The following GANC variants were observed in gnomAD, a reference collection of about 807,000 sequenced individuals.
The protein encoded by GANC is neutral alpha-glucosidase C.
A neutral mutation model predicts 124.2 loss-of-function variants in GANC; 117 were observed. The ratio of observed to expected loss-of-function variants is 0.94; its 90% CI spans 0.81 to 1.10. The LOEUF (loss-of-function observed/expected upper bound fraction) is 1.10. GANC is among the 50% of genes least tolerant of loss of function. The pLI, the probability that GANC is intolerant of heterozygous loss-of-function variation, is 0.00. For synonymous variants in GANC, 377 were observed against 376.8 expected (o/e 1.00, Z -0.01); for missense variants, 1,140 against 1,095.0 (o/e 1.04, Z -0.58).
intron 6 of GANC, among the ~76,000 whole-genome samples, chr15:42,298,371 A>C (rs2141032540): frequency 6.6e-6 from 1 of 152,318 alleles, no homozygotes; most frequent in Non-Finnish European, 1.5e-5. Flanking sequence ...TATTTTATCT[A>C]ACAATTATTT....
rs771930043 is a variant in GANC, at chr15:42,338,368, C to T, written c.1742-21C>T. 3 of 1,566,872 alleles carry T rather than the reference C, an allele frequency of 1.9e-6. No homozygotes were observed. In the Admixed American group the frequency reaches 5.1e-5, roughly 27 times the overall value. On this transcript the variant is annotated intron_variant, in intron 15 of 23. Transcript: ENST00000318010. ...CATGGGTTGATTTGTGATTTTAATA[C>T]ATTGTTGCTGGTGACCAAAGGTGCC...
rs1008597885 is a variant in GANC, at chr15:42,339,921, G to T, written c.2087+9G>T. The T allele has an allele frequency of 1.2e-6, 2 of 1,608,670 alleles. No individual in the cohort carries two copies. Among genetic ancestry groups the T allele is most frequent in the African/African-American group, 2.7e-5 (2 of 74,646 alleles). On this transcript the variant is annotated intron_variant, in intron 17 of 23. Coordinates refer to ENST00000318010, the MANE Select transcript of GANC (RefSeq NM_198141.3). ...TCCCAACCTGTCATGAGGTAAAAAA[G>T]CTTCATCCATTCAGGGACCCCAGCA...
At chr15:42,311,443 G>T (rs1253778704) in intron 10 of GANC, among the ~76,000 whole-genome samples, 4 of 152,158 alleles carry the variant, frequency 2.6e-5, no homozygotes, top group Admixed American at 2.0e-4. Flanking sequence ...CAGCAAAGTT[G>T]CAGGGTACAA....
chr15:42,340,028 A>G lies in GANC; in HGVS notation c.2087+116A>G, dbSNP rs1595783952. 6 of 1,345,142 alleles carry G rather than the reference A, an allele frequency of 4.5e-6. No homozygotes were observed. The East Asian group carries it at 1.4e-4, about 31-fold the overall frequency. The allele number at this position is 1,345,142 out of a possible 1,614,324, so 83.3% of individuals were successfully genotyped here. A position where few individuals can be genotyped will look rare whatever the true frequency, so the allele number is the denominator to read the frequency against. ...CAAGAGAAAGGTGAAGAAAAGCTAC[A>G]TGTTTAATCAAGTTTCAATAAGCTT... On this transcript the variant is annotated intron_variant, in intron 17 of 23. Transcript: ENST00000318010.
intron 10 of GANC, chr15:42,314,161 G>C (rs937066440): frequency 2.2e-5 from 17 of 761,706 alleles, no homozygotes; most frequent in Non-Finnish European, 3.9e-5. Context: ...GAAAAATTCA[G>C]ATTGGATATG....
chr15:42,300,431 T>C (rs1342536738), intron 6 of GANC, among the ~76,000 whole-genome samples: 1 of 151,964 alleles, frequency 6.6e-6, no homozygotes, highest in East Asian at 1.9e-4. Flanking sequence ...AGAATGATGA[T>C]TATTAAAAAG....
chr15:42,273,314 C>T lies in GANC; in HGVS notation c.-1168C>T, dbSNP rs1408730560. On this transcript the variant is annotated 5_prime_UTR_variant, in exon 1 of 24. Transcript: ENST00000318010. ...GCAGCAGCTACGGTTGCCGGTCCCG[C>T]ACTGAAAAACGACAGTGGTGACGGG... is the stretch of plus-strand genomic sequence containing the variant. 1.9e-6 allele frequency: 3 copies of T among 1,614,022 alleles called. No individual in the cohort carries two copies. The highest frequency in any genetic ancestry group is 2.7e-5 in the African/African-American group (2 of 74,906).
intron 16 of GANC, 86 bp from the exon 17 acceptor site, chr15:42,339,583 C>G (rs1349448030): frequency 6.6e-6 from 10 of 1,505,814 alleles, no homozygotes; most frequent in Admixed American, 3.9e-5. Context: ...GCACTTTTCT[C>G]CTGTCGGTCT....
Position 42,327,411 on chromosome 15 carries a change from A to G in GANC, c.1469A>G (p.Tyr490Cys), listed in dbSNP as rs771488233. 66 of 1,613,590 alleles carry G rather than the reference A, an allele frequency of 4.1e-5. No homozygotes were observed. Among genetic ancestry groups the G allele is most frequent in the Non-Finnish European group, 5.6e-5 (66 of 1,179,680 alleles). ...ACCAATCCCAAGGTCAGAGAGTGGT[A>G]TTCAAGTCTTTTTGCTTTCCCTGTT... ...DFTNPKVREW[Y>C]SSLFAFPVYQ... Residue 490 changes from tyrosine (Y) to cysteine (C), a missense_variant, in exon 13 of 24, where the codon TAT becomes TGT. Tyr to Cys is a radical substitution (Grantham distance 194). Transcript: ENST00000318010.
At chr15:42,326,102 A>G (rs367739511) in intron 11 of GANC, among the ~76,000 whole-genome samples, 196 bp from the exon 12 acceptor site, 7 of 152,308 alleles carry the variant, frequency 4.6e-5, no homozygotes, top group African/African-American at 1.4e-4. Context: ...TCATAAGCAC[A>G]TGAAAGGTTA....
chr15:42,308,564 A>G (rs2052020426), intron 8 of GANC, among the ~76,000 whole-genome samples: 2 of 152,110 alleles, frequency 1.3e-5, no homozygotes, highest in Admixed American at 1.3e-4. Flanking sequence ...GCTCACTGCA[A>G]GCTCCACCTC....
chr15:42,308,188 T>G (rs780365052), intron 7 of GANC, 34 bp from the exon 8 acceptor site: 9 of 1,390,060 alleles, frequency 6.5e-6, no homozygotes, highest in Admixed American at 1.8e-5. Context: ...AGTGTTCTTT[T>G]CAGAAACAAA....
At chr15:42,280,878 T>A in intron 3 of GANC, 1 of 693,382 alleles carries the variant, frequency 1.4e-6, no homozygotes, top group Non-Finnish European at 2.6e-6. Context: ...TCAGTTTCTC[T>A]TTTTGGATCC....
rs2052338845 is a variant in GANC, at chr15:42,343,080, A to G, written c.2155A>G (p.Ser719Gly). ...TTTATTTCCTCTCCATTACTTAGGG[A>G]GTGCATTATTGGTTCATCCAGTCAC... The part of the protein sequence containing the change: ...FDMEDEYMLG[S>G]ALLVHPVTEP... The change falls in exon 19 of 24, where the codon AGT becomes GGT. Residue 719 changes from serine (S) to glycine (G), a missense_variant and splice_region_variant. Physicochemically the swap from Ser to Gly is moderately conservative, Grantham distance 56. Coordinates refer to ENST00000318010, the MANE Select transcript of GANC (RefSeq NM_198141.3). 3 of 1,613,158 alleles carry G rather than the reference A, an allele frequency of 1.9e-6. No homozygotes were observed. The highest frequency in any genetic ancestry group is 1.7e-6 in the Non-Finnish European group (2 of 1,179,114).
intron 11 of GANC, 139 bp downstream of exon 11, chr15:42,322,159 C>T: frequency 2.8e-6 from 2 of 702,114 alleles, no homozygotes; most frequent in East Asian, 2.8e-5. Context: ...ATAATTGTCA[C>T]TGTGATAAGA....
chr15:42,340,173 A>G (rs1463203808), intron 17 of GANC, among the ~76,000 whole-genome samples: 2 of 152,234 alleles, frequency 1.3e-5, no homozygotes, highest in African/African-American at 4.8e-5. Flanking sequence ...ATTTCAAAGA[A>G]AAAGGAAGTG....
intron 6 of GANC, 22 bp downstream of exon 6, chr15:42,297,678 A>C: frequency 6.4e-7 from 1 of 1,562,590 alleles, no homozygotes; most frequent in Non-Finnish European, 8.8e-7. Context: ...TGATCCATTT[A>C]TTGTTATCTT....
intron 15 of GANC, among the ~76,000 whole-genome samples, chr15:42,336,745 T>G (rs988650970): frequency 2.6e-5 from 4 of 151,968 alleles, no homozygotes; most frequent in Non-Finnish European, 5.9e-5. Context: ...CTGACAAAGG[T>G]CTAATATCCA....
Position 42,352,292 on chromosome 15 carries a change from T to A in GANC, c.*153T>A, listed in dbSNP as rs2052453211. The A allele has an allele frequency of 7.0e-7, 1 of 1,429,354 alleles. No homozygotes were observed. Among genetic ancestry groups the A allele is most frequent in the Non-Finnish European group, 9.2e-7 (1 of 1,092,144 alleles). 88.5% of individuals were successfully genotyped at this position (1,429,354 alleles called of 1,614,324 possible). A position where few individuals can be genotyped will look rare whatever the true frequency, so the allele number is the denominator to read the frequency against. Reference sequence around the variant, plus strand: ...ACCATTATACTAATGAACAATAGATTTCATGTTTCAAAATTTCAGATTTTA... The same window carrying A: ...ACCATTATACTAATGAACAATAGATATCATGTTTCAAAATTTCAGATTTTA... On this transcript the variant is annotated 3_prime_UTR_variant, in exon 24 of 24. Transcript: ENST00000318010.
Sources: gnomAD v4.1 joint callset for allele counts (sites outside exome capture counted in the v4.1 genomes callset) on GRCh38, gnomAD v4.1.1 for gene constraint, MANE v1.5 for transcripts, NCBI Gene and HGNC (gene_info 2026-07-23, HGNC 2026-07-21) for gene names.